HEMK2: variants seen among roughly 807,000 people sequenced by gnomAD.
The protein encoded by HEMK2 is HemK methyltransferase 2, ETF1 glutamine and histone H4 lysine, also known as methyltransferase HEMK2.
At chr21:28,718,746 C>T in the HEMK2 span, among the ~76,000 whole-genome samples, 2 of 151,988 alleles carry the variant, frequency 1.3e-5, no homozygotes, top group Non-Finnish European at 2.9e-5. Context: ...GAATTATTTA[C>T]AACATATACA....
At chr21:28,738,405 T>A in the HEMK2 span, among the ~76,000 whole-genome samples, 4 of 152,190 alleles carry the variant, frequency 2.6e-5, no homozygotes, top group Non-Finnish European at 5.9e-5. Flanking sequence ...ATGTTGCCAA[T>A]GTGTTTTTCC....
chr21:28,730,414 ACAC>A, the HEMK2 span, among the ~76,000 whole-genome samples: 15 of 103,396 alleles, frequency 1.5e-4, no homozygotes, highest in East Asian at 6.0e-3. Context: ...ACACACACAC[ACAC>A]ATTTCTCACA....
the HEMK2 span, among the ~76,000 whole-genome samples, chr21:28,741,496 A>G: frequency 6.6e-6 from 1 of 152,162 alleles, no homozygotes; most frequent in Non-Finnish European, 1.5e-5. Context: ...TTCATCACCC[A>G]GGTTATTAAG....
chr21:28,876,270 AC>A, the HEMK2 span: 1 of 646,564 alleles, frequency 1.5e-6, no homozygotes, highest in Non-Finnish European at 2.6e-6. Context: ...CCACCTTTCT[AC>A]CTTTTTTTAA....
the HEMK2 span, among the ~76,000 whole-genome samples, chr21:28,588,844 G>GT: frequency 3.3e-5 from 5 of 151,858 alleles, no homozygotes; most frequent in Non-Finnish European, 5.9e-5. Flanking sequence ...TTAGCCGGGC[G>GT]TTGTGGTGGG....
the HEMK2 span, among the ~76,000 whole-genome samples, chr21:28,797,684 A>G: frequency 1.3e-5 from 2 of 152,174 alleles, no homozygotes; most frequent in Non-Finnish European, 2.9e-5. Flanking sequence ...TGGGAAAAAA[A>G]TAACTTGGGT....
At chr21:28,879,002 AATT>A in the HEMK2 span, among the ~76,000 whole-genome samples, 3 of 148,192 alleles carry the variant, frequency 2.0e-5, no homozygotes, top group South Asian at 4.2e-4. Context: ...CTAACAATCT[AATT>A]ATATTTTAGA....
At chr21:28,668,055 T>A in the HEMK2 span, among the ~76,000 whole-genome samples, 1 of 152,040 alleles carries the variant, frequency 6.6e-6, no homozygotes, top group Non-Finnish European at 1.5e-5. Flanking sequence ...ATCCTGAGAG[T>A]GTTCTAGGTC....
At chr21:28,834,314 C>A in the HEMK2 span, among the ~76,000 whole-genome samples, 1 of 152,214 alleles carries the variant, frequency 6.6e-6, no homozygotes, top group African/African-American at 2.4e-5. Context: ...ACCTGGGAGA[C>A]CCCCCAAAAC....
At chr21:28,785,102 A>C in the HEMK2 span, among the ~76,000 whole-genome samples, 1 of 152,176 alleles carries the variant, frequency 6.6e-6, no homozygotes, top group African/African-American at 2.4e-5. Flanking sequence ...TTCACTCCTG[A>C]AGCCAGCAAG....
the HEMK2 span, chr21:28,882,980 C>T: frequency 6.4e-7 from 1 of 1,565,228 alleles, no homozygotes; most frequent in Admixed American, 1.8e-5. Context: ...ATATGATATA[C>T]TTACATGTAC....
the HEMK2 span, among the ~76,000 whole-genome samples, chr21:28,864,820 C>CAGATAGATAGATAGAT: frequency 4.9e-3 from 585 of 119,192 alleles, 4 homozygotes; most frequent in East Asian, 0.027. Flanking sequence ...GACAGACAGA[C>CAGATAGATAGATAGAT]AGATAGATAG....
chr21:28,620,609 G>A, the HEMK2 span, among the ~76,000 whole-genome samples: 1 of 143,026 alleles, frequency 7.0e-6, no homozygotes, highest in East Asian at 2.1e-4. Flanking sequence ...GATCAGTGGT[G>A]ATATTCCCTT....
the HEMK2 span, among the ~76,000 whole-genome samples, chr21:28,662,444 C>G: frequency 6.6e-6 from 1 of 152,112 alleles, no homozygotes; most frequent in East Asian, 1.9e-4. Flanking sequence ...CTTTCAGAGT[C>G]CAGGTCCAGG....
the HEMK2 span, among the ~76,000 whole-genome samples, chr21:28,660,471 A>T: frequency 6.6e-6 from 1 of 151,492 alleles, no homozygotes; most frequent in Non-Finnish European, 1.5e-5. Context: ...TAAACTATCT[A>T]TACTAAGAAT....
At chr21:28,883,959 G>A in the HEMK2 span, among the ~76,000 whole-genome samples, 1 of 152,138 alleles carries the variant, frequency 6.6e-6, no homozygotes, top group African/African-American at 2.4e-5. Context: ...TGGCATTTAG[G>A]GAAATTTTTA....
the HEMK2 span, among the ~76,000 whole-genome samples, chr21:28,832,061 A>C: frequency 6.6e-6 from 1 of 152,230 alleles, no homozygotes; most frequent in African/African-American, 2.4e-5. Flanking sequence ...CAGACTTTAA[A>C]AGCACCATTA....
the HEMK2 span, among the ~76,000 whole-genome samples, chr21:28,883,397 C>T: frequency 6.6e-6 from 1 of 152,124 alleles, no homozygotes; most frequent in Admixed American, 6.5e-5. Flanking sequence ...ATGTGAAAGA[C>T]ATCATTCCTT....
At chr21:28,659,760 T>C in the HEMK2 span, among the ~76,000 whole-genome samples, 4 of 152,090 alleles carry the variant, frequency 2.6e-5, no homozygotes, top group African/African-American at 9.6e-5. Context: ...GTAAGTCCTC[T>C]AACCTAGTTA....
Sources: allele counts gnomAD v4.1 joint callset (sites outside exome capture counted in the v4.1 genomes callset), GRCh38; gene constraint gnomAD v4.1.1; transcripts MANE v1.5; gene names NCBI Gene and HGNC (gene_info 2026-07-23, HGNC 2026-07-21).